Variants in LINGO2 observed in about 807,000 individuals in gnomAD.
The protein encoded by LINGO2 is leucine rich repeat and Ig domain containing 2.
In LINGO2, 14 loss-of-function variants were observed where a neutral mutation model predicts 30.6. The ratio of observed to expected loss-of-function variants is 0.46; its 90% confidence interval spans 0.30 to 0.72. The LOEUF (loss-of-function observed/expected upper bound fraction) is 0.72. LINGO2 is among the 30% of genes least tolerant of loss of function. LINGO2 has a pLI of 0.07. For missense variants in LINGO2, 729 were observed against 751.7 expected (o/e 0.97, Z 0.35); for synonymous variants, 317 against 288.5 (o/e 1.10, Z -1.00).
intron 2 of LINGO2, among the ~76,000 whole-genome samples, chr9:28,422,144 G>T (rs577080600): frequency 4.6e-5 from 7 of 151,980 alleles, no homozygotes; most frequent in Non-Finnish European, 4.4e-5. Context: ...GACAAGAAAA[G>T]AAATGAAATA....
chr9:28,939,653 T>G, the LINGO2 span, among the ~76,000 whole-genome samples: 1 of 152,278 alleles, frequency 6.6e-6, no homozygotes, highest in Admixed American at 6.5e-5. Context: ...GGTTTAAAGG[T>G]TTGTTTCTTC....
At chr9:29,054,949 T>C in the LINGO2 span, among the ~76,000 whole-genome samples, 2 of 152,040 alleles carry the variant, frequency 1.3e-5, no homozygotes, top group Admixed American at 6.6e-5. Flanking sequence ...ACAGGTGCGG[T>C]GGATCGCGCC....
At chr9:28,980,573 C>T in the LINGO2 span, among the ~76,000 whole-genome samples, 1 of 152,044 alleles carries the variant, frequency 6.6e-6, no homozygotes, top group Non-Finnish European at 1.5e-5. Context: ...ATCTCAAAAA[C>T]ACTAGAAACA....
At chr9:29,128,189 G>A in the LINGO2 span, among the ~76,000 whole-genome samples, 2 of 152,104 alleles carry the variant, frequency 1.3e-5, no homozygotes, top group Non-Finnish European at 2.9e-5. Flanking sequence ...GGTCAGAGAT[G>A]TCTAACACAC....
intron 4 of LINGO2, among the ~76,000 whole-genome samples, chr9:28,293,558 G>A (rs931858075): frequency 6.6e-6 from 1 of 151,884 alleles, no homozygotes; most frequent in African/African-American, 2.4e-5. Context: ...TGTATATTTT[G>A]TTGTTGGGTG....
At chr9:28,381,238 AAAAC>A (rs1205753081) in intron 2 of LINGO2, among the ~76,000 whole-genome samples, 1 of 152,102 alleles carries the variant, frequency 6.6e-6, no homozygotes, top group Non-Finnish European at 1.5e-5. Flanking sequence ...CAAACAAACA[AAAAC>A]AAAAACAATT....
At chr9:28,556,334 C>A (rs577495203) in intron 1 of LINGO2, among the ~76,000 whole-genome samples, 1 of 151,374 alleles carries the variant, frequency 6.6e-6, no homozygotes, top group East Asian at 1.9e-4. Flanking sequence ...AATTCACAAG[C>A]ATTCTTATAC....
chr9:29,022,780 G>C, the LINGO2 span, among the ~76,000 whole-genome samples: 1 of 152,040 alleles, frequency 6.6e-6, no homozygotes, highest in African/African-American at 2.4e-5. Context: ...ATGGATCAAA[G>C]AGTTCTCTCT....
chr9:28,424,305 C>T (rs1050061231), intron 2 of LINGO2, among the ~76,000 whole-genome samples: 1 of 152,098 alleles, frequency 6.6e-6, no homozygotes, highest in African/African-American at 2.4e-5. Context: ...CTGCAAGAGG[C>T]CTTTCAGCTT....
chr9:28,335,761 A>G (rs1825569372), intron 3 of LINGO2, among the ~76,000 whole-genome samples: 1 of 152,174 alleles, frequency 6.6e-6, no homozygotes, highest in Non-Finnish European at 1.5e-5. Context: ...GAAAGCATTC[A>G]AATTTTAAAA....
intron 3 of LINGO2, among the ~76,000 whole-genome samples, chr9:28,343,147 TAA>T (rs1274747698): frequency 6.6e-6 from 1 of 152,176 alleles, no homozygotes; most frequent in Admixed American, 6.5e-5. Context: ...GTCAAACAGA[TAA>T]GTGTTGTCTG....
At chr9:28,051,089 G>GCTT (rs753607482) in intron 4 of LINGO2, among the ~76,000 whole-genome samples, 1 of 150,782 alleles carries the variant, frequency 6.6e-6, no homozygotes, top group Non-Finnish European at 1.5e-5. Flanking sequence ...GTCTTCTCCT[G>GCTT]CTTTCCTTTT....
chr9:28,893,942 C>T, the LINGO2 span, among the ~76,000 whole-genome samples: 7 of 151,618 alleles, frequency 4.6e-5, no homozygotes, highest in Non-Finnish European at 1.0e-4. Context: ...TGATGTTCCC[C>T]TTCCTGTGTC....
chr9:28,122,677 C>G (rs1055722422), intron 4 of LINGO2, among the ~76,000 whole-genome samples: 1 of 152,192 alleles, frequency 6.6e-6, no homozygotes, highest in Non-Finnish European at 1.5e-5. Context: ...GCAACCTATC[C>G]CAGGATGATG....
At chr9:28,032,735 T>G (rs765983309) in intron 4 of LINGO2, among the ~76,000 whole-genome samples, 8 of 152,202 alleles carry the variant, frequency 5.3e-5, no homozygotes, top group Non-Finnish European at 1.0e-4. Context: ...TACAGTGACA[T>G]AGATCCTGCC....
At chr9:28,951,773 A>ACT in the LINGO2 span, among the ~76,000 whole-genome samples, 27 of 151,956 alleles carry the variant, frequency 1.8e-4, no homozygotes, top group African/African-American at 6.3e-4. Context: ...TCCTGAGATT[A>ACT]CTCTCTCTGT....
chr9:28,205,449 A>G (rs1820377017), intron 4 of LINGO2, among the ~76,000 whole-genome samples: 1 of 152,120 alleles, frequency 6.6e-6, no homozygotes, highest in South Asian at 2.1e-4. Context: ...ATCAATGCCA[A>G]ATTTATTTCT....
the LINGO2 span, among the ~76,000 whole-genome samples, chr9:28,873,499 C>T: frequency 6.6e-6 from 1 of 151,820 alleles, no homozygotes; most frequent in Non-Finnish European, 1.5e-5. Context: ...AGATCTGGAA[C>T]CCAAAATTTA....
the LINGO2 span, among the ~76,000 whole-genome samples, chr9:28,830,384 G>A: frequency 1.3e-5 from 2 of 152,198 alleles, no homozygotes; most frequent in East Asian, 1.9e-4. Context: ...TCCACAGATT[G>A]GGGATTGCTT....
Sources: gnomAD v4.1 joint callset for allele counts (sites outside exome capture counted in the v4.1 genomes callset) on GRCh38, gnomAD v4.1.1 for gene constraint, MANE v1.5 for transcripts, NCBI Gene and HGNC (gene_info 2026-07-23, HGNC 2026-07-21) for gene names.